The following SULF2 variants were observed in gnomAD, a reference collection of about 807,000 sequenced individuals.
SULF2 encodes extracellular sulfatase Sulf-2.
SULF2 carries 52 observed loss-of-function variants against 107.7 expected under a neutral mutation model. The ratio of observed to expected loss-of-function variants is 0.48; its 90% CI spans 0.39 to 0.61. SULF2 has a LOEUF of 0.61. SULF2 is among the 20% of genes least tolerant of loss of function. The pLI, the probability that SULF2 is intolerant of heterozygous loss-of-function variation, is 0.00. For synonymous variants in SULF2, 460 were observed against 464.3 expected (o/e 0.99, Z 0.12); for missense variants, 993 against 1,177.3 (o/e 0.84, Z 2.29).
rs764905790 is a variant in SULF2, at chr20:47,666,397, G to A, written c.1668C>T (p.Ala556=). Residue 556 remains alanine (A), a synonymous_variant, in exon 12 of 21, where the codon GCC becomes GCT. Coordinates refer to ENST00000688720, the MANE Select transcript of SULF2 (RefSeq NM_001387048.1). The surrounding 1 kb of genome is among the most constrained non-coding windows in gnomAD (Gnocchi z 5.4). Reference sequence around the variant, plus strand: ...GCTTGGTGAGGTTTCGGGGCTGGGCGGCATCACCCAGGCCTACGTGGTACA... The same window carrying A: ...GCTTGGTGAGGTTTCGGGGCTGGGCAGCATCACCCAGGCCTACGTGGTACA... ...GRVYHVGLGD[A]AQPRNLTKRH... is the part of the protein sequence containing the mutation. 1.4e-5 allele frequency: 23 copies of A among 1,614,004 alleles called. No homozygotes were observed. The highest frequency in any genetic ancestry group is 1.3e-4 in the South Asian group (12 of 91,084).
At chr20:47,684,693 A>C (rs1020046887) in intron 5 of SULF2, 112 bp from the exon 6 acceptor site, 44 of 1,113,580 alleles carry the variant, frequency 4.0e-5, no homozygotes, top group Non-Finnish European at 5.4e-5. Flanking sequence ...TCTGCAGCCC[A>C]GGGCCAGGTG....
In SULF2 at chr20:47,680,846, C is replaced by T. The variant is rs1160930725; in HGVS notation, c.1065-2042G>A. On this transcript the variant is annotated intron_variant, in intron 7 of 20. Coordinates refer to ENST00000688720, the MANE Select transcript of SULF2 (RefSeq NM_001387048.1). This position sits in a 1 kb window ranked among gnomAD's most constrained non-coding sequence, Gnocchi z 4.2. ...GGAAGGAGGACAGTGGTTGCTTTTC[C>T]TGGCCAGCACCAATGCCTTGCTCTG... is the stretch of plus-strand genomic sequence containing the variant. 1.3e-4 allele frequency among the ~76,000 whole-genome samples: 20 copies of T among 152,244 alleles called. No individual in the cohort carries two copies.
intron 6 of SULF2, among the ~76,000 whole-genome samples, chr20:47,683,562 T>C (rs2087899888): frequency 6.6e-6 from 1 of 150,498 alleles, no homozygotes; most frequent in Non-Finnish European, 1.5e-5. Context: ...GGCTGCAGCC[T>C]ATGGCAGGAT....
intron 2 of SULF2, among the ~76,000 whole-genome samples, chr20:47,754,513 G>A (rs2090235197): frequency 2.9e-5 from 4 of 137,032 alleles, no homozygotes; most frequent in Admixed American, 2.9e-4. Flanking sequence ...CAGTGCTGCT[G>A]GTGGAAGAGG....
At chr20:47,700,832 G>A (rs1013416239) in intron 4 of SULF2, among the ~76,000 whole-genome samples, 2 of 152,020 alleles carry the variant, frequency 1.3e-5, no homozygotes, top group African/African-American at 4.8e-5. Flanking sequence ...TCTTAGTGGA[G>A]ACGGGGTTTC....
At chr20:47,693,571 T>A (rs901493624) in intron 4 of SULF2, among the ~76,000 whole-genome samples, 1 of 152,248 alleles carries the variant, frequency 6.6e-6, no homozygotes, top group Non-Finnish European at 1.5e-5. Context: ...CAAACGTGGA[T>A]AAATCTTACA....
intron 2 of SULF2, among the ~76,000 whole-genome samples, chr20:47,746,141 G>C (rs6012259): frequency 0.85 from 130,171 of 152,294 alleles, 56,160 homozygotes; most frequent in East Asian, 0.97. Context: ...TTGCCAGCAC[G>C]TGCCTAGCCC....
intron 2 of SULF2, 125 bp downstream of exon 2, chr20:47,757,064 G>T: frequency 2.3e-6 from 2 of 877,452 alleles, no homozygotes; most frequent in Non-Finnish European, 3.4e-6. Flanking sequence ...CCCGTGTCTT[G>T]GTTTCAATGT....
chr20:47,672,337 G>GC lies in SULF2; in HGVS notation c.1436dup (p.Met481HisfsTer27). On this transcript the variant is annotated frameshift_variant, in exon 11 of 21. Coordinates refer to ENST00000688720, the MANE Select transcript of SULF2 (RefSeq NM_001387048.1). LOFTEE classifies it high-confidence loss of function. ...CTCTGCTGCCGCCCAGCCGCATGGGGCCCTTGCACTTATGCAGCTTCAGCT... is the reference window on the plus strand; with the variant it reads ...CTCTGCTGCCGCCCAGCCGCATGGGGCCCCTTGCACTTATGCAGCTTCAGCT... 6.2e-7 allele frequency: 1 copy of GC among 1,613,164 alleles called. No homozygotes were observed. Among genetic ancestry groups the GC allele is most frequent in the Non-Finnish European group, 8.5e-7 (1 of 1,179,960 alleles).
intron 5 of SULF2, 147 bp downstream of exon 5, chr20:47,689,979 C>T: frequency 1.3e-6 from 1 of 794,450 alleles, no homozygotes; most frequent in Non-Finnish European, 1.7e-6. Flanking sequence ...TCACCATGGA[C>T]AAGCAGTATG....
intron 4 of SULF2, among the ~76,000 whole-genome samples, chr20:47,699,889 C>T (rs991723722): frequency 4.6e-5 from 7 of 152,182 alleles, no homozygotes; most frequent in Non-Finnish European, 8.8e-5. Flanking sequence ...ACCGTCTCCA[C>T]CACTCCCTAT....
Position 47,678,510 on chromosome 20 carries a change from G to A in SULF2, c.1193+166C>T, listed in dbSNP as rs945970304. On this transcript the variant is annotated intron_variant, in intron 8 of 20. Transcript: ENST00000688720. This position sits in a 1 kb window ranked among gnomAD's most constrained non-coding sequence, Gnocchi z 4.5. Reference sequence around the variant, plus strand: ...TGGGAAGACAGAATCTCGGAGAGGGGACCATGCTTCTCTCCCACAGCAGGT... The same window carrying A: ...TGGGAAGACAGAATCTCGGAGAGGGAACCATGCTTCTCTCCCACAGCAGGT... 4.6e-6 allele frequency: 4 copies of A among 878,790 alleles called. No homozygotes were observed. In the African/African-American group the frequency reaches 5.1e-5, roughly 11 times the overall value. 54.4% of individuals were successfully genotyped at this position (878,790 alleles called of 1,614,324 possible).
At chr20:47,781,450 A>G (rs558393417) in intron 1 of SULF2, among the ~76,000 whole-genome samples, 2 of 152,296 alleles carry the variant, frequency 1.3e-5, no homozygotes, top group East Asian at 3.9e-4. Context: ...ATTGTTGGCA[A>G]CTCATTTCCT....
chr20:47,687,604 T>C (rs936371085), intron 5 of SULF2, among the ~76,000 whole-genome samples: 1 of 152,114 alleles, frequency 6.6e-6, no homozygotes, highest in Admixed American at 6.5e-5. Flanking sequence ...GCTGTGTCTG[T>C]GGGCACGCCT....
chr20:47,735,780 C>G (rs1186139957), intron 3 of SULF2, among the ~76,000 whole-genome samples: 1 of 152,182 alleles, frequency 6.6e-6, no homozygotes, highest in African/African-American at 2.4e-5. Context: ...AGCATCCCTG[C>G]CAGCCCACAC....
At chr20:47,676,464 A>T in intron 10 of SULF2, 30 bp downstream of exon 10, 1 of 1,597,100 alleles carries the variant, frequency 6.3e-7, no homozygotes, top group Middle Eastern at 2.3e-4. Flanking sequence ...CAGGAGGGGG[A>T]GCCGTTGGGA....
At chr20:47,752,654 G>A (rs1385658177) in intron 2 of SULF2, among the ~76,000 whole-genome samples, 2 of 152,034 alleles carry the variant, frequency 1.3e-5, no homozygotes, top group Non-Finnish European at 2.9e-5. Flanking sequence ...CGGGGGCTGG[G>A]GTAAGAGGAT....
At chr20:47,672,699 G>A in intron 10 of SULF2, 1 of 260,764 alleles carries the variant, frequency 3.8e-6, no homozygotes, top group Non-Finnish European at 6.0e-6. Flanking sequence ...GGGCAAGTTG[G>A]ATCATATTAC....
chr20:47,732,659 T>C (rs562575913), intron 3 of SULF2, among the ~76,000 whole-genome samples: 2 of 152,096 alleles, frequency 1.3e-5, no homozygotes, highest in African/African-American at 4.8e-5. Context: ...CTGGCCAACA[T>C]GGTGAAACCC....
Sources: gnomAD v4.1 joint callset for allele counts (sites outside exome capture counted in the v4.1 genomes callset) on GRCh38, gnomAD v4.1.1 for gene constraint, Gnocchi (gnomAD v3.1) non-coding constraint, MANE v1.5 for transcripts, NCBI Gene and HGNC (gene_info 2026-07-23, HGNC 2026-07-21) for gene names.